The following PATJ variants were observed in gnomAD, a reference collection of about 807,000 sequenced individuals.
PATJ encodes the protein inaD-like protein.
A neutral mutation model predicts 224.9 loss-of-function variants in PATJ; 190 were observed. That is an observed-to-expected ratio of 0.84 (90% CI 0.75 to 0.95). The LOEUF (loss-of-function observed/expected upper bound fraction) is 0.95, where lower values mean the gene tolerates loss of function less well. PATJ is among the 40% of genes least tolerant of loss of function. The probability of loss-of-function intolerance (pLI) is 0.00; values close to 1 mark genes in which losing one functional copy is unlikely to be tolerated. For synonymous variants in PATJ, 769 were observed against 820.3 expected (o/e 0.94, Z 1.07); for missense variants, 2,121 against 2,270.3 (o/e 0.93, Z 1.34).
intron 22 of PATJ, among the ~76,000 whole-genome samples, chr1:61,887,265 C>T (rs770522682): frequency 2.6e-5 from 4 of 151,994 alleles, no homozygotes; most frequent in Non-Finnish European, 5.9e-5. Flanking sequence ...AGGAAGCTCA[C>T]CTCCTCCACT....
intron 16 of PATJ, among the ~76,000 whole-genome samples, chr1:61,828,588 T>C (rs762369960): frequency 2.6e-5 from 4 of 151,928 alleles, no homozygotes; most frequent in Non-Finnish European, 4.4e-5. Flanking sequence ...GTCAGGGTCT[T>C]GCCGTATTTC....
intron 27 of PATJ, among the ~76,000 whole-genome samples, chr1:61,978,989 A>G (rs1024196861): frequency 2.6e-5 from 4 of 152,048 alleles, no homozygotes; most frequent in Non-Finnish European, 5.9e-5. Flanking sequence ...ACTTTCTTGA[A>G]CAAGAAAAAG....
At position 62,161,040 on chromosome 1, in the gene PATJ, A is replaced by T; in HGVS notation, c.5635A>T (p.Thr1879Ser). 1.9e-6 allele frequency: 3 copies of T among 1,574,794 alleles called. No homozygotes were observed. The highest frequency in any genetic ancestry group is 2.6e-6 in the Non-Finnish European group (3 of 1,161,378). The stretch of plus-strand genomic sequence containing the variant: ...ACACCAGAGAGGGACTGTAACCTTA[A>T]CTGTGCTGTCATGAGCCTCGGGCCT... ...LKHQRGTVTL[T>S]VLS Residue 1879 changes from threonine (T) to serine (S), a missense_variant, in exon 44 of 44, where the codon ACT (threonine) becomes TCT (serine). Coordinates refer to ENST00000642238, the MANE Select transcript of PATJ (RefSeq NM_001350145.3).
chr1:62,108,771 T>C (rs991770631), intron 34 of PATJ, among the ~76,000 whole-genome samples: 2 of 152,208 alleles, frequency 1.3e-5, no homozygotes, highest in Admixed American at 1.3e-4. Context: ...GGGTCTATTA[T>C]TTTAATATCA....
rs766326010 is a variant in PATJ at position 62,079,566 on chromosome 1, T to C, written c.4242T>C (p.Tyr1414=). ...YHSTDADFTG[Y]GGFQAPLSVD... is the part of the protein sequence containing the mutation. ...CAACAGATGCAGACTTCACAGGCTA[T>C]GGTATGATTCTTTCTCTCAGCAGAT... Residue 1414 remains tyrosine (Y), a splice_region_variant and synonymous_variant, in exon 32 of 44, where the codon TAT becomes TAC. Transcript: ENST00000642238. 4.1e-5 allele frequency: 65 copies of C among 1,575,102 alleles called. No individual in the cohort carries two copies. Among genetic ancestry groups the C allele is most frequent in the Non-Finnish European group, 5.2e-5 (60 of 1,145,190 alleles).
chr1:61,983,632 G>A (rs981393559), intron 27 of PATJ, among the ~76,000 whole-genome samples: 1 of 152,000 alleles, frequency 6.6e-6, no homozygotes, highest in African/African-American at 2.4e-5. Context: ...CAATTGAAGA[G>A]GATCTTCAAA....
chr1:61,745,898 C>T (rs1450599098), intron 1 of PATJ, among the ~76,000 whole-genome samples: 1 of 151,670 alleles, frequency 6.6e-6, no homozygotes, highest in Non-Finnish European at 1.5e-5. Context: ...ACCACCGGGC[C>T]TGGCAATTAT....
chr1:62,115,276 T>C (rs1235952381), intron 35 of PATJ, among the ~76,000 whole-genome samples: 1 of 152,092 alleles, frequency 6.6e-6, no homozygotes, highest in Admixed American at 6.6e-5. Context: ...CGCCATTGCA[T>C]TCCAGCCTGT....
intron 31 of PATJ, among the ~76,000 whole-genome samples, chr1:62,051,866 C>T (rs1473178270): frequency 6.6e-6 from 1 of 152,174 alleles, no homozygotes; most frequent in African/African-American, 2.4e-5. Flanking sequence ...ACATTTGTTG[C>T]ATATCAGACA....
intron 29 of PATJ, among the ~76,000 whole-genome samples, chr1:62,031,133 G>C (rs1463169100): frequency 6.6e-6 from 1 of 152,028 alleles, no homozygotes; most frequent in Non-Finnish European, 1.5e-5. Flanking sequence ...TACCCGTCAG[G>C]GTTCCTTACT....
intron 20 of PATJ, among the ~76,000 whole-genome samples, chr1:61,866,799 G>A (rs1020344730): frequency 2.0e-5 from 3 of 152,162 alleles, no homozygotes; most frequent in African/African-American, 4.8e-5. Flanking sequence ...GAAAGTAAAA[G>A]AATAAAAGAA....
intron 7 of PATJ, among the ~76,000 whole-genome samples, chr1:61,786,683 A>G (rs947210623): frequency 1.3e-5 from 2 of 151,868 alleles, no homozygotes; most frequent in African/African-American, 4.8e-5. Flanking sequence ...TGCAGATCCT[A>G]TTGACAGTTT....
At chr1:61,864,104 G>A in intron 19 of PATJ, 134 bp from the exon 20 acceptor site, 3 of 655,936 alleles carry the variant, frequency 4.6e-6, no homozygotes, top group Non-Finnish European at 5.2e-6. Context: ...CATGTTTGCT[G>A]TGGAGAGCTG....
chr1:61,806,415 C>T (rs867506853), intron 13 of PATJ, among the ~76,000 whole-genome samples: 2 of 151,648 alleles, frequency 1.3e-5, no homozygotes, highest in Non-Finnish European at 2.9e-5. Flanking sequence ...GTCAGGAGAT[C>T]GAGACCATCC....
chr1:61,967,281 C>T (rs1425927335), intron 27 of PATJ, among the ~76,000 whole-genome samples: 1 of 152,116 alleles, frequency 6.6e-6, no homozygotes, highest in Non-Finnish European at 1.5e-5. Flanking sequence ...TTTAGATATA[C>T]TAAGAACTGC....
At chr1:62,148,234 A>G (rs1183891717) in intron 41 of PATJ, 50 bp from the exon 42 acceptor site, 2 of 1,242,756 alleles carry the variant, frequency 1.6e-6, no homozygotes. Context: ...TGGTTTCTCT[A>G]ATTCTCCCCT....
At chr1:61,899,139 T>C (rs1392115756) in intron 22 of PATJ, among the ~76,000 whole-genome samples, 2 of 152,112 alleles carry the variant, frequency 1.3e-5, no homozygotes, top group African/African-American at 4.8e-5. Flanking sequence ...GACGGGGAAA[T>C]ACTTAGGGCT....
intron 14 of PATJ, among the ~76,000 whole-genome samples, chr1:61,815,622 G>A (rs180690491): frequency 1.3e-5 from 2 of 152,304 alleles, no homozygotes; most frequent in Admixed American, 1.3e-4. Context: ...GGAGGCTGAG[G>A]CAGAGGATCT....
intron 29 of PATJ, among the ~76,000 whole-genome samples, chr1:62,023,159 G>A (rs1298822832): frequency 2.0e-5 from 3 of 151,938 alleles, no homozygotes; most frequent in Admixed American, 6.6e-5. Context: ...GCGTGGTGGC[G>A]GGTGCCTGTA....
Sources: allele counts gnomAD v4.1 joint callset (sites outside exome capture counted in the v4.1 genomes callset), GRCh38; gene constraint gnomAD v4.1.1; transcripts MANE v1.5; gene names NCBI Gene and HGNC (gene_info 2026-07-23, HGNC 2026-07-21).